TRIM45: variants seen among roughly 807,000 people sequenced by gnomAD.
TRIM45 encodes the protein tripartite motif containing 45, also known as E3 ubiquitin-protein ligase TRIM45.
TRIM45 carries 45 observed loss-of-function variants against 46.7 expected under a neutral mutation model. That is an observed-to-expected ratio of 0.96 (90% CI 0.76 to 1.24). The LOEUF (loss-of-function observed/expected upper bound fraction) is 1.24. Among genes scored for constraint, TRIM45 ranks in the 50% most tolerant of loss-of-function variants. The pLI is 0.00. For missense variants in TRIM45, 680 were observed against 728.4 expected (o/e 0.93, Z 0.77); for synonymous variants, 259 against 285.8 (o/e 0.91, Z 0.94).
In TRIM45 at chr1:117,121,333, A is replaced by C. The variant is rs1650621291; in HGVS notation, c.-132T>G. ...AGACCATGGGGACTCCCTCGCTGAC[A>C]AATAAAAGGGCAGACGGGAAGACGA... On this transcript the variant is annotated 5_prime_UTR_variant, in exon 1 of 6. Coordinates refer to ENST00000256649, the MANE Select transcript of TRIM45 (RefSeq NM_025188.4). This position sits in a 1 kb window ranked among gnomAD's most constrained non-coding sequence, Gnocchi z 4.2. The C allele has an allele frequency of 6.1e-6, 7 of 1,138,668 alleles. No homozygotes were observed. The highest frequency in any genetic ancestry group is 8.6e-6 in the Non-Finnish European group (7 of 816,394). The allele number at this position is 1,138,668 out of a possible 1,614,324, so 70.5% of individuals were successfully genotyped here.
rs138521530 is a variant in TRIM45 at position 117,116,731 on chromosome 1, G to A, written c.1237C>T (p.Arg413Trp). The stretch of plus-strand genomic sequence containing the variant: ...GTGAAAGAGGCCGTCTGTTTCTCCC[G>A]GGCTCTGTGGAGGTCTGAAAAAGAT... ...VLQGEDLHRA[R>W]EKQTASFTLL... The change falls in exon 3 of 6, where the codon CGG becomes TGG. Residue 413 changes from arginine (R) to tryptophan (W), a missense_variant. By Grantham distance (101) the Arg-to-Trp change is moderately radical. Around this residue, in one of 3 missense-constraint regions of TRIM45, gnomAD observed 322 missense variants for 359.3 expected, o/e 0.90. Coordinates refer to ENST00000256649, the MANE Select transcript of TRIM45 (RefSeq NM_025188.4). The surrounding 1 kb of genome is among the most constrained non-coding windows in gnomAD (Gnocchi z 4.6). 192 of 1,614,048 alleles carry A rather than the reference G, an allele frequency of 1.2e-4. No homozygotes were observed. The African/African-American group carries it at 1.8e-3, about 15-fold the overall frequency.
At position 117,118,662 on chromosome 1, in the gene TRIM45, T is replaced by A; in HGVS notation, c.594A>T (p.Glu198Asp). 1 of 1,613,996 alleles carries A rather than the reference T, an allele frequency of 6.2e-7. No homozygotes were observed. Residue 198 changes from glutamate to aspartate, a missense_variant, in exon 2 of 6, where the codon GAA becomes GAT. This residue lies in a region of TRIM45 where 349 missense variants were observed against 343.6 expected (regional missense o/e 1.02). Transcript: ENST00000256649. The surrounding 1 kb of genome is among the most constrained non-coding windows in gnomAD (Gnocchi z 5.7). ...CACAGAACTCACAGAACAGCCTCAG[T>A]TCCTCTGCAGGGTGAACAGGACACA... Reference protein sequence around the residue: ...PILCPVHPAEELRLFCEFCDR... With the variant: ...PILCPVHPAEDLRLFCEFCDR...
At chr1:117,121,963 C>G, upstream of TRIM45, 1 of 619,434 alleles carries the variant, frequency 1.6e-6, no homozygotes, top group South Asian at 1.9e-5. This position sits in a 1 kb window ranked among gnomAD's most constrained non-coding sequence, Gnocchi z 4.2. Flanking sequence ...GCTTAGAGTG[C>G]GGCGGGAGGA....
In TRIM45 at chr1:117,118,286, T is replaced by C. The variant is rs1213515315; in HGVS notation, c.970A>G (p.Met324Val). 1 of 1,614,206 alleles carries C rather than the reference T, an allele frequency of 6.2e-7. No homozygotes were observed. Among genetic ancestry groups the C allele is most frequent in the South Asian group, 1.1e-5 (1 of 91,086 alleles). The change falls in exon 2 of 6, where the codon ATG becomes GTG. Residue 324 changes from methionine (M) to valine (V), a missense_variant. By Grantham distance (21) the Met-to-Val change is conservative (BLOSUM62 1). Transcript: ENST00000256649. The surrounding 1 kb of genome is among the most constrained non-coding windows in gnomAD (Gnocchi z 5.7). ...TCGGTGAACTCCACTCCAGTCCGCA[T>C]GTCTGCCAGTAACTGTTCCAGCTGG... ...KAQLEQLLAD[M>V]RTGVEFTEHL...
upstream of TRIM45, chr1:117,122,070 C>T (rs1650670851): frequency 3.6e-5 from 15 of 416,884 alleles, no homozygotes; most frequent in East Asian, 5.8e-4. Context: ...GGCCTCAGGA[C>T]CTCTTAAAAA....
chr1:117,121,003 C>A lies in TRIM45; in HGVS notation c.199G>T (p.Gly67Ter). The A allele has an allele frequency of 1.2e-6, 2 of 1,614,140 alleles. No individual in the cohort carries two copies. The highest frequency in any genetic ancestry group is 2.2e-5 in the East Asian group (1 of 44,872). The stretch of plus-strand genomic sequence containing the variant: ...CCCTCAGAGCTTGTGTCAGAGTCTC[C>A]CCCTCGGATGTCCACTACTGAGAAG... ...EPFSVVDIRGGDSDTSSEGSI... is the reference protein window; with the variant it reads ...EPFSVVDIRG Residue 67 changes from glycine to a stop codon, truncating the protein, a stop_gained, in exon 1 of 6, where the codon GGA becomes TGA. Coordinates refer to ENST00000256649, the MANE Select transcript of TRIM45 (RefSeq NM_025188.4). LOFTEE classifies it high-confidence loss of function. This position sits in a 1 kb window ranked among gnomAD's most constrained non-coding sequence, Gnocchi z 4.2.
At position 117,120,977 on chromosome 1, in the gene TRIM45, C is replaced by A; in HGVS notation, c.225G>T (p.Gly75=). 2 of 1,614,196 alleles carry A rather than the reference C, an allele frequency of 1.2e-6. No homozygotes were observed. The highest frequency in any genetic ancestry group is 1.7e-6 in the Non-Finnish European group (2 of 1,180,040). The stretch of plus-strand genomic sequence containing the variant: ...GTGGCTTGAGTTCCTGGAATATTGA[C>A]CCCTCAGAGCTTGTGTCAGAGTCTC... The part of the protein sequence containing the change: ...RGGDSDTSSE[G]SIFQELKPRS... The change falls in exon 1 of 6, where the codon GGG becomes GGT. Residue 75 remains glycine (G), a synonymous_variant. Transcript: ENST00000256649.
At position 117,115,336 on chromosome 1, in the gene TRIM45, G is replaced by C. The variant is rs1327502707; in HGVS notation, c.1467+239C>G. On this transcript the variant is annotated intron_variant, in intron 4 of 5. Coordinates refer to ENST00000256649, the MANE Select transcript of TRIM45 (RefSeq NM_025188.4). This position sits in a 1 kb window ranked among gnomAD's most constrained non-coding sequence, Gnocchi z 4.2. ...TTAAGAATCCTAAGAAACCAACTGG[G>C]AGAATGATAAGCTATAAGCATAACT... is the stretch of plus-strand genomic sequence containing the variant. 6.6e-6 allele frequency among the ~76,000 whole-genome samples: 1 copy of C among 152,184 alleles called. No individual in the cohort carries two copies. Among genetic ancestry groups the C allele is most frequent in the East Asian group, 1.9e-4 (1 of 5,204 alleles).
At position 117,116,195 on chromosome 1, in the gene TRIM45, A is replaced by G. The variant is rs1474265944; in HGVS notation, c.1352+421T>C. Among the ~76,000 whole-genome samples, 1 of 151,962 alleles carries G rather than the reference A, an allele frequency of 6.6e-6. No homozygotes were observed. Among genetic ancestry groups the G allele is most frequent in the Non-Finnish European group, 1.5e-5 (1 of 67,970 alleles). ...TGGTCACGTAACGTTTCATAGTATTATGGGGAGGTAAGACGTAACTAGTGA... is the reference window on the plus strand; with the variant it reads ...TGGTCACGTAACGTTTCATAGTATTGTGGGGAGGTAAGACGTAACTAGTGA... On this transcript the variant is annotated intron_variant, in intron 3 of 5. Coordinates refer to ENST00000256649, the MANE Select transcript of TRIM45 (RefSeq NM_025188.4). The surrounding 1 kb of genome is among the most constrained non-coding windows in gnomAD (Gnocchi z 4.6).
chr1:117,118,641 G>C lies in TRIM45; in HGVS notation c.615C>G (p.Phe205Leu), dbSNP rs1650504356. 3 of 1,614,076 alleles carry C rather than the reference G, an allele frequency of 1.9e-6. No individual in the cohort carries two copies. The highest frequency in any genetic ancestry group is 2.5e-6 in the Non-Finnish European group (3 of 1,180,044). ...AATCCTGGCACACGGGCCGGTCACA[G>C]AACTCACAGAACAGCCTCAGTTCCT... The part of the protein sequence containing the change: ...PAEELRLFCE[F>L]CDRPVCQDCV... Residue 205 changes from phenylalanine (F) to leucine (L), a missense_variant, in exon 2 of 6, where the codon TTC (phenylalanine) becomes TTG (leucine). This residue lies in a region of TRIM45 where 349 missense variants were observed against 343.6 expected (regional missense o/e 1.02). Transcript: ENST00000256649. The surrounding 1 kb of genome is among the most constrained non-coding windows in gnomAD (Gnocchi z 5.7).
Position 117,119,089 on chromosome 1 carries a change from G to A in TRIM45, c.489-322C>T, listed in dbSNP as rs545984612. Among the ~76,000 whole-genome samples the A allele has an allele frequency of 6.6e-5, 10 of 152,274 alleles. No homozygotes were observed. The East Asian group carries it at 1.5e-3, about 24-fold the overall frequency. The stretch of plus-strand genomic sequence containing the variant: ...AAGAGTTTAGACAAGAGTCACAGTC[G>A]GCTTCCTAAGGTAAGCTAGCAGTGA... On this transcript the variant is annotated intron_variant, in intron 1 of 5. Transcript: ENST00000256649.
rs371237740 is a variant in TRIM45 at position 117,121,643 on chromosome 1, C to T, written c.-442G>A. 138 of 553,520 alleles carry T rather than the reference C, an allele frequency of 2.5e-4. No homozygotes were observed. Among genetic ancestry groups the T allele is most frequent in the African/African-American group, 2.2e-3 (110 of 49,864 alleles). The allele number at this position is 553,520 out of a possible 1,614,324, so 34.3% of individuals were successfully genotyped here. On this transcript the variant is annotated 5_prime_UTR_variant, in exon 1 of 6. Transcript: ENST00000256649. This position sits in a 1 kb window ranked among gnomAD's most constrained non-coding sequence, Gnocchi z 4.2. ...AGGTAGGGGCCCTCTTGCTCCTTCC[C>T]TCTGCGAAAGGCGCGCGCCGGGTGA...
Position 117,118,872 on chromosome 1 carries a change from G to T in TRIM45, c.489-105C>A. The stretch of plus-strand genomic sequence containing the variant: ...ACAGGATCTGAAGTTAAACAAACCT[G>T]ATTTCAATTCCTTGCTCTAATCTCT... On this transcript the variant is annotated intron_variant, in intron 1 of 5. Transcript: ENST00000256649. This position sits in a 1 kb window ranked among gnomAD's most constrained non-coding sequence, Gnocchi z 5.7. The T allele has an allele frequency of 7.1e-7, 1 of 1,404,948 alleles. No individual in the cohort carries two copies. Among genetic ancestry groups the T allele is most frequent in the Non-Finnish European group, 9.6e-7 (1 of 1,036,912 alleles). The allele number at this position is 1,404,948 out of a possible 1,614,324, so 87.0% of individuals were successfully genotyped here. A position where few individuals can be genotyped will look rare whatever the true frequency, so the allele number is the denominator to read the frequency against.
Position 117,116,784 on chromosome 1 carries a change from A to G in TRIM45, c.1223-39T>C, listed in dbSNP as rs1232931370. The G allele has an allele frequency of 1.2e-6, 2 of 1,612,204 alleles. No individual in the cohort carries two copies. The highest frequency in any genetic ancestry group is 2.7e-5 in the African/African-American group (2 of 74,838). On this transcript the variant is annotated intron_variant, in intron 2 of 5. Transcript: ENST00000256649. The surrounding 1 kb of genome is among the most constrained non-coding windows in gnomAD (Gnocchi z 4.6). ...ACACTCGGTCCTCACCTCGAATGTA[A>G]ACTGCAGTGACTACATCTCCATCTT...
Position 117,121,729 on chromosome 1 carries a change from G to C in TRIM45, c.-528C>G, listed in dbSNP as rs555157528. The C allele has an allele frequency of 1.3e-3, 760 of 607,124 alleles. 3 individuals are homozygous for C. The highest frequency in any genetic ancestry group is 0.012 in the African/African-American group (614 of 51,228). The allele number at this position is 607,124 out of a possible 1,614,324, so 37.6% of individuals were successfully genotyped here. On this transcript the variant is annotated 5_prime_UTR_variant, in exon 1 of 6. Transcript: ENST00000256649. This position sits in a 1 kb window ranked among gnomAD's most constrained non-coding sequence, Gnocchi z 4.2. ...CACCGCCTCTCCCGCGCCTCGGCCC[G>C]GGACGCCCGCGGGCTCTGGCCCCTC...
chr1:117,121,017 A>G lies in TRIM45; in HGVS notation c.185T>C (p.Val62Ala). The G allele has an allele frequency of 6.2e-7, 1 of 1,614,178 alleles. No homozygotes were observed. The highest frequency in any genetic ancestry group is 8.5e-7 in the Non-Finnish European group (1 of 1,180,032). ...GTCAGAGTCTCCCCCTCGGATGTCC[A>G]CTACTGAGAAGGGCTCCAGCTGCTC... The part of the protein sequence containing the change: ...CLEQLEPFSV[V>A]DIRGGDSDTS... Residue 62 changes from valine (V) to alanine (A), a missense_variant, in exon 1 of 6, where the codon GTG (valine) becomes GCG (alanine). Transcript: ENST00000256649. The surrounding 1 kb of genome is among the most constrained non-coding windows in gnomAD (Gnocchi z 4.2).
rs1343979748 is a variant in TRIM45 at position 117,118,759 on chromosome 1, T to C, written c.497A>G (p.Lys166Arg). The change falls in exon 2 of 6, where the codon AAG becomes AGG. Residue 166 changes from lysine to arginine, a missense_variant. Around this residue, in one of 3 missense-constraint regions of TRIM45, gnomAD observed 349 missense variants for 343.6 expected, o/e 1.02. Coordinates refer to ENST00000256649, the MANE Select transcript of TRIM45 (RefSeq NM_025188.4). The surrounding 1 kb of genome is among the most constrained non-coding windows in gnomAD (Gnocchi z 5.7). ...CACCATGGTGTGGTAAGTCGTTTTC[T>C]TCTGCCGCCTAGGGGCAAACAGAAT... is the stretch of plus-strand genomic sequence containing the variant. ...HFCCQAHRRQ[K>R]KTTYHTMVDL... 1 of 1,611,404 alleles carries C rather than the reference T, an allele frequency of 6.2e-7. No homozygotes were observed. Among genetic ancestry groups the C allele is most frequent in the Non-Finnish European group, 8.5e-7 (1 of 1,178,768 alleles).
intron 4 of TRIM45, among the ~76,000 whole-genome samples, chr1:117,114,236 T>C (rs1271428512): frequency 6.6e-6 from 1 of 152,242 alleles, no homozygotes; most frequent in East Asian, 1.9e-4. Context: ...ATTCTCAAAT[T>C]AGTAACTCTC....
chr1:117,120,773 T>C lies in TRIM45; in HGVS notation c.429A>G (p.Val143=), dbSNP rs746587920. ...CTTTGCAGGTCTGACACCTCTTCTC[T>C]ACTTCCCTGTCGTTGCACAGGTCAC... ...LVCDLCNDRE[V]EKRCQTCKAN... Residue 143 remains valine, a synonymous_variant, in exon 1 of 6, where the codon GTA becomes GTG. Transcript: ENST00000256649. 4.3e-6 allele frequency: 7 copies of C among 1,614,108 alleles called. No individual in the cohort carries two copies. In the East Asian group the frequency reaches 1.6e-4, roughly 36 times the overall value.
Sources: allele counts gnomAD v4.1 joint callset (sites outside exome capture counted in the v4.1 genomes callset), GRCh38; gene constraint gnomAD v4.1.1; regional missense constraint gnomAD v4.1.1; non-coding constraint Gnocchi (gnomAD v3.1); transcripts MANE v1.5; gene names NCBI Gene and HGNC (gene_info 2026-07-23, HGNC 2026-07-21).